The following RGS7BP variants were observed in gnomAD, a reference collection of about 807,000 sequenced individuals.
The protein encoded by RGS7BP is regulator of G protein signaling 7-binding protein.
A neutral mutation model predicts 31.3 loss-of-function variants in RGS7BP; 9 were observed. The ratio of observed to expected loss-of-function variants is 0.29; its 90% CI spans 0.17 to 0.50. The LOEUF (loss-of-function observed/expected upper bound fraction) is 0.50. Ranked by LOEUF, RGS7BP falls within the 20% of genes least tolerant of loss-of-function variation. The pLI is 0.98. For missense variants in RGS7BP, 274 were observed against 322.0 expected (o/e 0.85, Z 1.14); for synonymous variants, 115 against 120.1 (o/e 0.96, Z 0.28).
At chr5:64,603,094 G>C (rs139697132) in intron 5 of RGS7BP, among the ~76,000 whole-genome samples, 2 of 152,232 alleles carry the variant, frequency 1.3e-5, no homozygotes, top group African/African-American at 4.8e-5. Context: ...AGACCCCTTA[G>C]GCCATGTTAA....
chr5:64,535,877 T>C (rs893533914), intron 2 of RGS7BP, among the ~76,000 whole-genome samples: 4 of 152,328 alleles, frequency 2.6e-5, no homozygotes, highest in Middle Eastern at 3.4e-3. Flanking sequence ...AAATCTACTT[T>C]ATTGGAAGAA....
intron 2 of RGS7BP, among the ~76,000 whole-genome samples, chr5:64,550,174 T>G (rs1741755150): frequency 6.6e-6 from 1 of 152,204 alleles, no homozygotes; most frequent in Non-Finnish European, 1.5e-5. Flanking sequence ...AGGTATTTGT[T>G]ATAGCAGTCT....
Position 64,506,323 on chromosome 5 carries a change from A to G in RGS7BP, c.-302A>G, listed in dbSNP as rs1020742813. The G allele has an allele frequency of 1.7e-5, 5 of 286,362 alleles. No homozygotes were observed. The highest frequency in any genetic ancestry group is 1.1e-4 in the African/African-American group (5 of 45,788). The allele number at this position is 286,362 out of a possible 1,614,324, so 17.7% of individuals were successfully genotyped here. On this transcript the variant is annotated 5_prime_UTR_variant, in exon 1 of 6. Transcript: ENST00000334025. The surrounding 1 kb of genome is among the most constrained non-coding windows in gnomAD (Gnocchi z 4.6). ...CAGCCTTGCAATCCATGCCGAGAGGAAGGCAGTGCGAGCCCGCGCCAGCGC... is the reference window on the plus strand; with the variant it reads ...CAGCCTTGCAATCCATGCCGAGAGGGAGGCAGTGCGAGCCCGCGCCAGCGC...
At chr5:64,547,415 G>C (rs72754871) in intron 2 of RGS7BP, among the ~76,000 whole-genome samples, 1 of 152,082 alleles carries the variant, frequency 6.6e-6, no homozygotes, top group Non-Finnish European at 1.5e-5. Context: ...TTAGCCTCTG[G>C]TGAGCAGACA....
At chr5:64,508,876 A>T (rs1208180427) in intron 2 of RGS7BP, among the ~76,000 whole-genome samples, 1 of 152,196 alleles carries the variant, frequency 6.6e-6, no homozygotes, top group Non-Finnish European at 1.5e-5. Context: ...CTTTAATTCC[A>T]ATAATATGTA....
chr5:64,520,671 G>T (rs1158064941), intron 2 of RGS7BP, among the ~76,000 whole-genome samples: 1 of 152,198 alleles, frequency 6.6e-6, no homozygotes, highest in Non-Finnish European at 1.5e-5. Context: ...CTGAATTCTG[G>T]GTGTTTCAAG....
chr5:64,547,872 A>G (rs1388593854), intron 2 of RGS7BP, among the ~76,000 whole-genome samples: 1 of 152,116 alleles, frequency 6.6e-6, no homozygotes, highest in Non-Finnish European at 1.5e-5. Flanking sequence ...ATTCACTATA[A>G]TCAGAAGTAT....
intron 2 of RGS7BP, among the ~76,000 whole-genome samples, chr5:64,521,240 T>C (rs937904483): frequency 1.1e-4 from 16 of 152,084 alleles, no homozygotes; most frequent in African/African-American, 3.9e-4. Flanking sequence ...TCTGTGAACT[T>C]GATGGGTTTT....
intron 3 of RGS7BP, among the ~76,000 whole-genome samples, chr5:64,589,209 T>A (rs1742842436): frequency 6.6e-6 from 1 of 151,966 alleles, no homozygotes; most frequent in African/African-American, 2.4e-5. Flanking sequence ...GACACAAGAA[T>A]TGCTTGAACC....
intron 2 of RGS7BP, among the ~76,000 whole-genome samples, chr5:64,565,994 T>C (rs1458122128): frequency 6.6e-6 from 1 of 152,128 alleles, no homozygotes; most frequent in Non-Finnish European, 1.5e-5. Context: ...ATATAATGTG[T>C]ACAGAATCCC....
At chr5:64,585,063 T>A (rs1742706662) in intron 3 of RGS7BP, among the ~76,000 whole-genome samples, 1 of 152,172 alleles carries the variant, frequency 6.6e-6, no homozygotes, top group Non-Finnish European at 1.5e-5. Context: ...AGAATTAGTA[T>A]AACTGTTTGG....
At chr5:64,566,003 C>T (rs564377826) in intron 2 of RGS7BP, among the ~76,000 whole-genome samples, 1 of 152,006 alleles carries the variant, frequency 6.6e-6, no homozygotes, top group East Asian at 1.9e-4. Context: ...GTACAGAATC[C>T]CCAGTGTTGG....
At chr5:64,591,140 T>C (rs1375176669) in intron 3 of RGS7BP, among the ~76,000 whole-genome samples, 1 of 152,056 alleles carries the variant, frequency 6.6e-6, no homozygotes, top group African/African-American at 2.4e-5. Context: ...ATAAGCAGTA[T>C]ATACAGCAAA....
intron 2 of RGS7BP, among the ~76,000 whole-genome samples, chr5:64,555,515 G>A (rs1477995787): frequency 6.6e-6 from 1 of 152,076 alleles, no homozygotes; most frequent in Non-Finnish European, 1.5e-5. Flanking sequence ...TACAATGGGG[G>A]AAACTGCACT....
Position 64,612,113 on chromosome 5 carries a change from A to G in RGS7BP, c.*2861A>G, listed in dbSNP as rs1196587326. On this transcript the variant is annotated 3_prime_UTR_variant, in exon 6 of 6. Transcript: ENST00000334025. ...TTTTTTCAAATTACAAAGACAATAC[A>G]TGTTCTTTGTGGGAAATCTGAAAAA... 6.6e-6 allele frequency: 1 copy of G among 152,240 alleles called. No homozygotes were observed. Among genetic ancestry groups the G allele is most frequent in the African/African-American group, 2.4e-5 (1 of 41,374 alleles). 9.4% of individuals were successfully genotyped at this position (152,240 alleles called of 1,614,324 possible).
At chr5:64,599,563 G>A (rs1302674244) in intron 5 of RGS7BP, among the ~76,000 whole-genome samples, 1 of 152,154 alleles carries the variant, frequency 6.6e-6, no homozygotes, top group Non-Finnish European at 1.5e-5. Context: ...AAGAAGCAGG[G>A]GCCACAGCAC....
At chr5:64,547,048 A>G (rs1741675818) in intron 2 of RGS7BP, among the ~76,000 whole-genome samples, 2 of 152,204 alleles carry the variant, frequency 1.3e-5, no homozygotes, top group Non-Finnish European at 2.9e-5. Flanking sequence ...TATCTGTGAG[A>G]TTCATCCATG....
At chr5:64,520,776 C>T (rs1226247904) in intron 2 of RGS7BP, among the ~76,000 whole-genome samples, 2 of 152,168 alleles carry the variant, frequency 1.3e-5, no homozygotes, top group African/African-American at 2.4e-5. Context: ...CTTCAGGACC[C>T]CAATGAGCAC....
intron 2 of RGS7BP, among the ~76,000 whole-genome samples, chr5:64,514,258 A>G (rs895231027): frequency 6.6e-6 from 1 of 151,378 alleles, no homozygotes; most frequent in East Asian, 1.9e-4. Flanking sequence ...TACACCTGCA[A>G]TGACCCTTTT....
Sources: allele counts gnomAD v4.1 joint callset (sites outside exome capture counted in the v4.1 genomes callset), GRCh38; gene constraint gnomAD v4.1.1; non-coding constraint Gnocchi (gnomAD v3.1); transcripts MANE v1.5; gene names NCBI Gene and HGNC (gene_info 2026-07-23, HGNC 2026-07-21).